AGBL1: variants seen among roughly 807,000 people sequenced by gnomAD.
The protein encoded by AGBL1 is AGBL carboxypeptidase 1.
Under a neutral mutation model 118.9 loss-of-function variants are expected in AGBL1, and 130 were observed. The observed-to-expected ratio is 1.09, with a 90% CI of 0.95 to 1.26. The LOEUF is 1.26. Among genes scored for constraint, AGBL1 ranks in the 50% most tolerant of loss-of-function variants. The pLI is 0.00. For synonymous variants in AGBL1, 555 were observed against 478.9 expected (o/e 1.16, Z -2.08); for missense variants, 1,584 against 1,298.1 (o/e 1.22, Z -3.38).
At chr15:86,342,877 G>A (rs1370532265) in intron 17 of AGBL1, among the ~76,000 whole-genome samples, 1 of 152,188 alleles carries the variant, frequency 6.6e-6, no homozygotes, top group Non-Finnish European at 1.5e-5. Context: ...TATGTTCAAA[G>A]TAATTAGAAC....
intron 1 of AGBL1, chr15:86,088,477 G>A (rs758736882): frequency 3.3e-5 from 5 of 152,256 alleles, no homozygotes; most frequent in Admixed American, 6.5e-5. Flanking sequence ...GCTGGTATCC[G>A]TTAGCCCACT....
intron 19 of AGBL1, among the ~76,000 whole-genome samples, chr15:86,524,109 T>C (rs1450302386): frequency 1.3e-5 from 2 of 152,232 alleles, no homozygotes; most frequent in African/African-American, 4.8e-5. Flanking sequence ...ATATATAATG[T>C]AGAATCTTAT....
At chr15:86,412,457 A>G (rs1937733038) in intron 18 of AGBL1, among the ~76,000 whole-genome samples, 1 of 152,122 alleles carries the variant, frequency 6.6e-6, no homozygotes, top group South Asian at 2.1e-4. Context: ...TTTTGAACCT[A>G]AATCTTGTAT....
intron 22 of AGBL1, among the ~76,000 whole-genome samples, chr15:86,765,099 C>T (rs1014521326): frequency 2.3e-4 from 35 of 151,948 alleles, no homozygotes; most frequent in African/African-American, 8.5e-4. Flanking sequence ...TGCTTCTACA[C>T]CATGTCACAT....
downstream of AGBL1, among the ~76,000 whole-genome samples, chr15:86,918,621 C>T (rs1043091604): frequency 1.8e-4 from 28 of 152,214 alleles, no homozygotes; most frequent in African/African-American, 4.8e-4. Context: ...TTCTCCCCCA[C>T]GTACCTATTA....
chr15:87,015,965 T>G (rs28406034), intron 24 of AGBL1, among the ~76,000 whole-genome samples: 15,691 of 152,144 alleles, frequency 0.1, 1,624 homozygotes, highest in African/African-American at 0.27. Flanking sequence ...TAAGCAGCTG[T>G]TTTAAGCAAT....
At chr15:86,573,390 T>G (rs1262667940) in intron 21 of AGBL1, among the ~76,000 whole-genome samples, 2 of 152,156 alleles carry the variant, frequency 1.3e-5, no homozygotes, top group East Asian at 3.8e-4. Context: ...CAGCAGAGTA[T>G]GGAAAGAAGT....
chr15:86,756,310 T>C (rs1276070640), intron 22 of AGBL1, among the ~76,000 whole-genome samples: 1 of 151,902 alleles, frequency 6.6e-6, no homozygotes, highest in Admixed American at 6.6e-5. Flanking sequence ...AAGTGAAGTT[T>C]GCTATGTAAT....
chr15:86,263,440 C>G (rs4887217), intron 10 of AGBL1, among the ~76,000 whole-genome samples: 24,440 of 152,246 alleles, frequency 0.16, 2,103 homozygotes, highest in Admixed American at 0.21. Flanking sequence ...TTTCTCAGAG[C>G]ATTCCCCATT....
chr15:86,869,202 G>A (rs1418571999), intron 22 of AGBL1, among the ~76,000 whole-genome samples: 1 of 152,182 alleles, frequency 6.6e-6, no homozygotes, highest in East Asian at 1.9e-4. Flanking sequence ...AGAGAGGTGT[G>A]TCAGGGGAAA....
chr15:86,097,621 A>G (rs138604527), intron 1 of AGBL1, among the ~76,000 whole-genome samples: 101 of 151,706 alleles, frequency 6.7e-4, no homozygotes, highest in African/African-American at 2.3e-3. Flanking sequence ...ACAAAATATA[A>G]TCTCTGGTTC....
chr15:86,210,883 A>G (rs2078083794), intron 5 of AGBL1, among the ~76,000 whole-genome samples: 1 of 152,130 alleles, frequency 6.6e-6, no homozygotes, highest in African/African-American at 2.4e-5. Context: ...CAATCCTTTG[A>G]AGGAGAAAAG....
intron 22 of AGBL1, among the ~76,000 whole-genome samples, chr15:86,758,172 C>T (rs1287039876): frequency 6.6e-6 from 1 of 152,080 alleles, no homozygotes; most frequent in Non-Finnish European, 1.5e-5. Flanking sequence ...TGTGCCTTCC[C>T]CTGCCACATG....
intron 18 of AGBL1, among the ~76,000 whole-genome samples, chr15:86,417,846 T>G (rs2081718551): frequency 6.6e-6 from 1 of 152,220 alleles, no homozygotes; most frequent in Non-Finnish European, 1.5e-5. Flanking sequence ...AAAACCAAAT[T>G]GCTATTCATG....
chr15:86,523,201 C>G (rs1005697547), intron 19 of AGBL1, among the ~76,000 whole-genome samples: 1 of 152,082 alleles, frequency 6.6e-6, no homozygotes, highest in Admixed American at 6.6e-5. Context: ...AGGATCATGC[C>G]CACTCTGATG....
chr15:86,786,771 C>T (rs1408392938), intron 22 of AGBL1, among the ~76,000 whole-genome samples: 2 of 151,986 alleles, frequency 1.3e-5, no homozygotes, highest in Non-Finnish European at 2.9e-5. Context: ...AGATCTAGCC[C>T]TTTAGTTTTG....
intron 22 of AGBL1, among the ~76,000 whole-genome samples, chr15:86,904,100 C>T (rs1207866730): frequency 6.6e-6 from 1 of 152,168 alleles, no homozygotes; most frequent in Admixed American, 6.5e-5. Context: ...ACTTTTCTTT[C>T]TTGATAAGCT....
chr15:86,647,124 A>G (rs943330788), intron 21 of AGBL1, among the ~76,000 whole-genome samples: 1 of 152,150 alleles, frequency 6.6e-6, no homozygotes, highest in Non-Finnish European at 1.5e-5. Flanking sequence ...ACATTAATTG[A>G]TTTATATAAC....
chr15:86,226,577 C>T (rs2078367873), intron 6 of AGBL1, among the ~76,000 whole-genome samples: 1 of 152,188 alleles, frequency 6.6e-6, no homozygotes, highest in Non-Finnish European at 1.5e-5. Context: ...AGTCTTATGT[C>T]AGTTGTTTAC....
Sources: allele counts gnomAD v4.1 joint callset (sites outside exome capture counted in the v4.1 genomes callset), GRCh38; gene constraint gnomAD v4.1.1; transcripts MANE v1.5; gene names NCBI Gene and HGNC (gene_info 2026-07-23, HGNC 2026-07-21).